Variants in SLC38A1 observed in about 807,000 individuals in gnomAD.
SLC38A1 encodes sodium-coupled neutral amino acid symporter 1.
Under a neutral mutation model 60.3 loss-of-function variants are expected in SLC38A1, and 18 were observed. The ratio of observed to expected loss-of-function variants is 0.30; its 90% CI spans 0.21 to 0.44. SLC38A1 has a LOEUF of 0.44. Among genes scored for constraint, SLC38A1 ranks in the 20% least tolerant of loss-of-function variants. The pLI, the probability that SLC38A1 is intolerant of heterozygous loss-of-function variation, is 1.00. For synonymous variants in SLC38A1, 196 were observed against 212.1 expected (o/e 0.92, Z 0.66); for missense variants, 448 against 587.2 (o/e 0.76, Z 2.45).
At chr12:46,226,869 C>T (rs1940887006) in intron 5 of SLC38A1, among the ~76,000 whole-genome samples, 1 of 152,096 alleles carries the variant, frequency 6.6e-6, no homozygotes, top group Non-Finnish European at 1.5e-5. Flanking sequence ...ATCCACCGGC[C>T]TCAGCCTCCC....
chr12:46,205,464 C>A (rs528574476), intron 9 of SLC38A1, among the ~76,000 whole-genome samples: 36 of 152,212 alleles, frequency 2.4e-4, no homozygotes, highest in African/African-American at 8.2e-4. Context: ...AGGTTTTTGA[C>A]TAGATGGCAG....
chr12:46,257,832 A>G (rs937954227), intron 1 of SLC38A1, among the ~76,000 whole-genome samples: 3 of 152,142 alleles, frequency 2.0e-5, no homozygotes, highest in Non-Finnish European at 2.9e-5. Context: ...TGCCAGAAAG[A>G]TGTTACAGGA....
chr12:46,240,722 G>T (rs1365995718), intron 2 of SLC38A1, among the ~76,000 whole-genome samples: 1 of 152,156 alleles, frequency 6.6e-6, no homozygotes, highest in Non-Finnish European at 1.5e-5. Flanking sequence ...TCCATCAACT[G>T]CAAGAGATTA....
chr12:46,227,762 A>G (rs1940922394), intron 5 of SLC38A1, among the ~76,000 whole-genome samples: 1 of 152,110 alleles, frequency 6.6e-6, no homozygotes, highest in Admixed American at 6.6e-5. Flanking sequence ...TGGTTCTGAA[A>G]TTTTTCTTGC....
intron 5 of SLC38A1, among the ~76,000 whole-genome samples, chr12:46,209,999 C>G (rs545929046): frequency 2.6e-5 from 4 of 152,274 alleles, no homozygotes; most frequent in African/African-American, 9.6e-5. Flanking sequence ...AAATATATCC[C>G]TAGAACAATA....
intron 5 of SLC38A1, among the ~76,000 whole-genome samples, chr12:46,223,478 A>C (rs528840835): frequency 1.2e-3 from 188 of 151,088 alleles, no homozygotes; most frequent in Non-Finnish European, 2.0e-3. Flanking sequence ...ACACACACAC[A>C]CCCCACTCAT....
At chr12:46,263,869 A>T (rs190219184) in intron 1 of SLC38A1, among the ~76,000 whole-genome samples, 1 of 152,344 alleles carries the variant, frequency 6.6e-6, no homozygotes, top group East Asian at 1.9e-4. Context: ...GGGAAAAGTC[A>T]GTCAAGCTCA....
chr12:46,215,662 G>T (rs949388615), intron 5 of SLC38A1, among the ~76,000 whole-genome samples: 6 of 151,920 alleles, frequency 3.9e-5, no homozygotes, highest in Admixed American at 3.9e-4. Flanking sequence ...CCCACCTCAA[G>T]CATTATTTAC....
chr12:46,220,955 T>C (rs74521769), intron 5 of SLC38A1, among the ~76,000 whole-genome samples: 2,337 of 152,300 alleles, frequency 0.015, 60 homozygotes, highest in African/African-American at 0.052. Context: ...GATGGGTCTA[T>C]ACTTTTACTT....
At position 46,188,815 on chromosome 12, in the gene SLC38A1, T is replaced by A. The variant is rs185275211; in HGVS notation, c.*155A>T. The A allele has an allele frequency of 1.7e-6, 1 of 582,028 alleles. No homozygotes were observed. The highest frequency in any genetic ancestry group is 1.8e-5 in the African/African-American group (1 of 54,286). The allele number at this position is 582,028 out of a possible 1,614,324, so 36.1% of individuals were successfully genotyped here. A position where few individuals can be genotyped will look rare whatever the true frequency, so the allele number is the denominator to read the frequency against. ...AGGGACATGAAGCATTATAGAACCATGTCTCTGTTTTGCAACCAAAAAGTT... is the reference window on the plus strand; with the variant it reads ...AGGGACATGAAGCATTATAGAACCAAGTCTCTGTTTTGCAACCAAAAAGTT... On this transcript the variant is annotated 3_prime_UTR_variant, in exon 17 of 17. Transcript: ENST00000398637.
chr12:46,192,215 G>A (rs1939173869), intron 16 of SLC38A1, among the ~76,000 whole-genome samples: 1 of 152,196 alleles, frequency 6.6e-6, no homozygotes, highest in Admixed American at 6.5e-5. Context: ...CATTGGTTCT[G>A]TTTATGTGAT....
At chr12:46,244,882 C>T (rs1207828061) in intron 1 of SLC38A1, among the ~76,000 whole-genome samples, 1 of 152,190 alleles carries the variant, frequency 6.6e-6, no homozygotes, top group Non-Finnish European at 1.5e-5. Flanking sequence ...TTTTATTTCT[C>T]CCTTAAAATT....
intron 1 of SLC38A1, among the ~76,000 whole-genome samples, chr12:46,265,155 T>G (rs1050044973): frequency 6.6e-6 from 1 of 152,174 alleles, no homozygotes; most frequent in Non-Finnish European, 1.5e-5. Flanking sequence ...CTCAGTAAAG[T>G]GGGTACCACC....
chr12:46,185,550 A>G lies in SLC38A1; in HGVS notation c.*3420T>C, dbSNP rs1280673709. ...GAGTTAAAACACAGTTACTAGCACT[A>G]AAAACATTAAAAGTGCTGCGCGCTG... On this transcript the variant is annotated 3_prime_UTR_variant, in exon 17 of 17. Coordinates refer to ENST00000398637, the MANE Select transcript of SLC38A1 (RefSeq NM_030674.4). 1.3e-5 allele frequency: 2 copies of G among 152,042 alleles called. No individual in the cohort carries two copies. The highest frequency in any genetic ancestry group is 2.4e-5 in the African/African-American group (1 of 41,390). 9.4% of individuals were successfully genotyped at this position (152,042 alleles called of 1,614,324 possible). A position where few individuals can be genotyped will look rare whatever the true frequency, so the allele number is the denominator to read the frequency against.
chr12:46,185,479 T>C lies in SLC38A1; in HGVS notation c.*3491A>G, dbSNP rs780290442. 1 of 152,018 alleles carries C rather than the reference T, an allele frequency of 6.6e-6. No homozygotes were observed. Among genetic ancestry groups the C allele is most frequent in the Non-Finnish European group, 1.5e-5 (1 of 67,998 alleles). 9.4% of individuals were successfully genotyped at this position (152,018 alleles called of 1,614,324 possible). A position where few individuals can be genotyped will look rare whatever the true frequency, so the allele number is the denominator to read the frequency against. ...AGGAAAGTGGGTGGAGAGGTTTTTT[T>C]TTCCCCCTTTTTTCTTGTTTTCTAA... On this transcript the variant is annotated 3_prime_UTR_variant, in exon 17 of 17. Coordinates refer to ENST00000398637, the MANE Select transcript of SLC38A1 (RefSeq NM_030674.4).
At position 46,206,534 on chromosome 12, in the gene SLC38A1, G is replaced by A. The variant is rs573591076; in HGVS notation, c.564-372C>T. Among the ~76,000 whole-genome samples the A allele has an allele frequency of 5.3e-5, 8 of 152,238 alleles. No individual in the cohort carries two copies. The South Asian group carries it at 1.7e-3, about 32-fold the overall frequency. ...TTTTTGTTTTGCTGGGCTAGTATCA[G>A]TGAGAAACAAGTCACTACAGGTAGA... On this transcript the variant is annotated intron_variant, in intron 8 of 16. Coordinates refer to ENST00000398637, the MANE Select transcript of SLC38A1 (RefSeq NM_030674.4).
chr12:46,223,336 T>C (rs1940733431), intron 5 of SLC38A1, among the ~76,000 whole-genome samples: 2 of 152,186 alleles, frequency 1.3e-5, no homozygotes, highest in Non-Finnish European at 2.9e-5. Context: ...CAGTAAATGT[T>C]AGCCATTATT....
chr12:46,192,512 G>T (rs1939187638), intron 16 of SLC38A1, among the ~76,000 whole-genome samples: 1 of 152,170 alleles, frequency 6.6e-6, no homozygotes, highest in African/African-American at 2.4e-5. Flanking sequence ...AATGGTACCA[G>T]CTCCTCTTTG....
At chr12:46,203,532 T>C (rs1939756787) in intron 11 of SLC38A1, among the ~76,000 whole-genome samples, 1 of 152,184 alleles carries the variant, frequency 6.6e-6, no homozygotes, top group Admixed American at 6.5e-5. Flanking sequence ...CTACATCAGG[T>C]GCATGGAATC....
Sources: allele counts gnomAD v4.1 joint callset (sites outside exome capture counted in the v4.1 genomes callset), GRCh38; gene constraint gnomAD v4.1.1; transcripts MANE v1.5; gene names NCBI Gene and HGNC (gene_info 2026-07-23, HGNC 2026-07-21).